Variants in PTPRD observed in about 807,000 individuals in gnomAD.
PTPRD encodes receptor-type tyrosine-protein phosphatase delta.
A neutral mutation model predicts 214.5 loss-of-function variants in PTPRD; 34 were observed. The ratio of observed to expected loss-of-function variants is 0.16; its 90% CI spans 0.12 to 0.21. The LOEUF (loss-of-function observed/expected upper bound fraction) is 0.21. Ranked by LOEUF, PTPRD falls within the 10% of genes least tolerant of loss-of-function variation. PTPRD has a pLI of 1.00. For missense variants in PTPRD, 2,545 were observed against 2,398.7 expected, an observed-to-expected ratio of 1.06 and a Z score of -1.27; for synonymous variants, 1,128 against 845.7, an observed-to-expected ratio of 1.33 and a Z score of -5.79.
chr9:9,755,735 T>C (rs2098563413), intron 6 of PTPRD, among the ~76,000 whole-genome samples: 1 of 152,080 alleles, frequency 6.6e-6, no homozygotes, highest in Non-Finnish European at 1.5e-5. Context: ...ACACCTGAGG[T>C]TCTGATACAG....
chr9:8,490,930 G>C (rs1271951619), intron 27 of PTPRD, among the ~76,000 whole-genome samples: 2 of 152,092 alleles, frequency 1.3e-5, no homozygotes, highest in Non-Finnish European at 2.9e-5. Context: ...TGGTTATTAG[G>C]AGCTCACATC....
intron 11 of PTPRD, among the ~76,000 whole-genome samples, chr9:8,828,220 A>G (rs2097212924): frequency 6.6e-6 from 1 of 152,218 alleles, no homozygotes; most frequent in African/African-American, 2.4e-5. Flanking sequence ...ACTATGCACA[A>G]TGGACTAAAT....
chr9:9,300,141 G>T (rs535654194), intron 9 of PTPRD, among the ~76,000 whole-genome samples: 1 of 150,090 alleles, frequency 6.7e-6, no homozygotes, highest in African/African-American at 2.5e-5. Flanking sequence ...TGAGCTACAT[G>T]GTACTTAGAC....
chr9:8,606,092 T>C (rs1241538910), intron 14 of PTPRD, among the ~76,000 whole-genome samples: 3 of 152,098 alleles, frequency 2.0e-5, no homozygotes, highest in South Asian at 2.1e-4. Flanking sequence ...TGGATCTACA[T>C]ACAATTGTGG....
chr9:10,475,563 G>C (rs1430443948), intron 2 of PTPRD, among the ~76,000 whole-genome samples: 7 of 152,050 alleles, frequency 4.6e-5, no homozygotes, highest in Non-Finnish European at 7.4e-5. Flanking sequence ...GTACAAAGAG[G>C]AGCTGGTACC....
At chr9:9,665,280 G>A (rs1259342708) in intron 7 of PTPRD, among the ~76,000 whole-genome samples, 3 of 151,522 alleles carry the variant, frequency 2.0e-5, no homozygotes, top group African/African-American at 4.8e-5. Context: ...ATAGAAACAC[G>A]GCATAAATAC....
Position 10,323,082 on chromosome 9 carries a change from C to G in PTPRD, c.-545+17881G>C, listed in dbSNP as rs1296013212. On this transcript the variant is annotated intron_variant, in intron 3 of 45. Coordinates refer to ENST00000381196, the MANE Select transcript of PTPRD (RefSeq NM_002839.4). ...CTTCTAAACAATCTATTTCAAAATA[C>G]ATTTAAAGAGGAAAAATGAACATTT... Among the ~76,000 whole-genome samples, 4 of 151,954 alleles carry G rather than the reference C, an allele frequency of 2.6e-5. No homozygotes were observed. The East Asian group carries it at 7.8e-4, about 30-fold the overall frequency.
intron 11 of PTPRD, among the ~76,000 whole-genome samples, chr9:8,942,621 T>C (rs111583267): frequency 0.015 from 2,358 of 152,228 alleles, 26 homozygotes; most frequent in Middle Eastern, 0.048. Flanking sequence ...AGACTTCCAA[T>C]TTGATTAAAC....
intron 9 of PTPRD, among the ~76,000 whole-genome samples, chr9:9,202,047 G>A (rs1168108164): frequency 2.0e-5 from 3 of 152,174 alleles, no homozygotes; most frequent in East Asian, 1.9e-4. Context: ...TGTTTCAACC[G>A]GAAGATAAGA....
intron 35 of PTPRD, among the ~76,000 whole-genome samples, chr9:8,413,101 C>G (rs1456298689): frequency 1.3e-5 from 2 of 152,076 alleles, no homozygotes; most frequent in African/African-American, 4.8e-5. Context: ...AACAGTAATT[C>G]TTTTAATCAA....
intron 9 of PTPRD, among the ~76,000 whole-genome samples, chr9:9,375,316 T>C (rs1043825692): frequency 6.6e-6 from 1 of 151,958 alleles, no homozygotes; most frequent in Non-Finnish European, 1.5e-5. Context: ...AGAATGAAAA[T>C]GGCTGGGCGC....
At chr9:8,717,130 G>A (rs72700396) in intron 12 of PTPRD, among the ~76,000 whole-genome samples, 399 of 152,232 alleles carry the variant, frequency 2.6e-3, no homozygotes, top group Non-Finnish European at 4.0e-3. Flanking sequence ...GACAGAGTGT[G>A]TCACTGTCTC....
intron 32 of PTPRD, among the ~76,000 whole-genome samples, chr9:8,461,401 G>T (rs1403692752): frequency 6.6e-6 from 1 of 151,988 alleles, no homozygotes; most frequent in Non-Finnish European, 1.5e-5. Context: ...AAATATCGAT[G>T]ATTTTTATTT....
At chr9:8,762,331 T>C (rs1439374552) in intron 11 of PTPRD, among the ~76,000 whole-genome samples, 1 of 152,168 alleles carries the variant, frequency 6.6e-6, no homozygotes, top group Non-Finnish European at 1.5e-5. Context: ...AGCACCCTTA[T>C]TGTTAGGACT....
At chr9:8,658,889 T>C (rs1024209448) in intron 12 of PTPRD, among the ~76,000 whole-genome samples, 3 of 152,108 alleles carry the variant, frequency 2.0e-5, no homozygotes, top group African/African-American at 7.2e-5. Context: ...ACAATTGCAA[T>C]GGATATCTAG....
chr9:8,773,917 T>G (rs2095346479), intron 11 of PTPRD, among the ~76,000 whole-genome samples: 1 of 152,180 alleles, frequency 6.6e-6, no homozygotes, highest in South Asian at 2.1e-4. Flanking sequence ...AAATGTAATG[T>G]CTGTGAAGCT....
chr9:10,219,316 T>C (rs558502979), intron 3 of PTPRD, among the ~76,000 whole-genome samples: 53 of 151,898 alleles, frequency 3.5e-4, no homozygotes, highest in Non-Finnish European at 5.3e-4. Flanking sequence ...AAGCATTAGA[T>C]TATGAATTCT....
At chr9:9,743,737 C>CACACACACAA (rs2098428477) in intron 6 of PTPRD, among the ~76,000 whole-genome samples, 1 of 147,754 alleles carries the variant, frequency 6.8e-6, no homozygotes, top group Admixed American at 6.7e-5. Context: ...TCTATACACA[C>CACACACACAA]ACACACACAC....
intron 8 of PTPRD, among the ~76,000 whole-genome samples, chr9:9,487,114 G>A (rs992947099): frequency 6.6e-6 from 1 of 151,964 alleles, no homozygotes; most frequent in African/African-American, 2.4e-5. Context: ...CAATGTGCAG[G>A]TTGGTTACAT....
Sources: allele counts gnomAD v4.1 joint callset (sites outside exome capture counted in the v4.1 genomes callset), GRCh38; gene constraint gnomAD v4.1.1; transcripts MANE v1.5; gene names NCBI Gene and HGNC (gene_info 2026-07-23, HGNC 2026-07-21).